Variants in HAPLN1 observed in about 807,000 individuals in gnomAD.
The protein encoded by HAPLN1 is hyaluronan and proteoglycan link protein 1.
HAPLN1 carries 13 observed loss-of-function variants against 36.5 expected under a neutral mutation model. The observed-to-expected ratio is 0.36, with a 90% CI of 0.23 to 0.57. The LOEUF is 0.57. HAPLN1 is among the 20% of genes least tolerant of loss of function. The probability of loss-of-function intolerance (pLI) is 0.83; values close to 1 mark genes in which losing one functional copy is unlikely to be tolerated. For synonymous variants in HAPLN1, 202 were observed against 169.8 expected, an observed-to-expected ratio of 1.19 and a Z score of -1.48; for missense variants, 407 against 439.7, an observed-to-expected ratio of 0.93 and a Z score of 0.66.
rs368560685 is a variant in HAPLN1, at chr5:83,698,112, C to T, written c.-27+22677G>A. Among the ~76,000 whole-genome samples the T allele has an allele frequency of 3.7e-4, 57 of 152,112 alleles. 1 individual carries two copies. The South Asian group carries it at 0.012, about 31-fold the overall frequency. ...TAATCAAAGGTCATTAATATTTACA[C>T]CTATGTTGTCTTCAAAAGTTTTATA... On this transcript the variant is annotated intron_variant, in intron 1 of 4. Coordinates refer to ENST00000274341, the MANE Select transcript of HAPLN1 (RefSeq NM_001884.4).
chr5:83,641,430 TG>T lies in HAPLN1; in HGVS notation c.*65del. 3 of 1,437,134 alleles carry T rather than the reference TG, an allele frequency of 2.1e-6. No individual in the cohort carries two copies. The highest frequency in any genetic ancestry group is 2.8e-6 in the Non-Finnish European group (3 of 1,066,810). 89.0% of individuals were successfully genotyped at this position (1,437,134 alleles called of 1,614,324 possible). ...TTTGGTAACTTGCATGAGTTCATAT[TG>T]GAAAAAAAAAACACCTTTCACATGT... On this transcript the variant is annotated 3_prime_UTR_variant, in exon 5 of 5. Coordinates refer to ENST00000274341, the MANE Select transcript of HAPLN1 (RefSeq NM_001884.4).
At chr5:83,654,414 A>C (rs1002591175) in intron 2 of HAPLN1, among the ~76,000 whole-genome samples, 2 of 152,228 alleles carry the variant, frequency 1.3e-5, no homozygotes, top group Non-Finnish European at 2.9e-5. Flanking sequence ...GATATAAAAC[A>C]TAACTCTATG....
intron 1 of HAPLN1, among the ~76,000 whole-genome samples, chr5:83,679,018 C>T (rs541504967): frequency 5.0e-4 from 76 of 152,254 alleles, no homozygotes; most frequent in African/African-American, 1.8e-3. Context: ...ATGAGCAAGT[C>T]AGCCATAGAC....
intron 1 of HAPLN1, among the ~76,000 whole-genome samples, chr5:83,709,741 A>G (rs1471106): frequency 0.29 from 44,567 of 152,106 alleles, 6,871 homozygotes; most frequent in East Asian, 0.42. Context: ...ACATTGAAGC[A>G]CTTTAAGTGG....
chr5:83,668,028 G>A (rs1750602824), intron 2 of HAPLN1, among the ~76,000 whole-genome samples: 1 of 152,132 alleles, frequency 6.6e-6, no homozygotes, highest in African/African-American at 2.4e-5. Flanking sequence ...CTGGGATTTG[G>A]AAAGGCTGAA....
chr5:83,688,609 T>C (rs920079769), intron 1 of HAPLN1, among the ~76,000 whole-genome samples: 1 of 151,154 alleles, frequency 6.6e-6, no homozygotes, highest in Non-Finnish European at 1.5e-5. Flanking sequence ...GAAAATTTCC[T>C]GTGCTAGTAT....
chr5:83,694,576 T>A lies in HAPLN1; in HGVS notation c.-26-21027A>T, dbSNP rs370094094. 3.7e-4 allele frequency among the ~76,000 whole-genome samples: 57 copies of A among 152,164 alleles called. 1 individual carries two copies. The South Asian group carries it at 0.012, about 31-fold the overall frequency. On this transcript the variant is annotated intron_variant, in intron 1 of 4. Coordinates refer to ENST00000274341, the MANE Select transcript of HAPLN1 (RefSeq NM_001884.4). ...GAATGAAGTAGATAATATCTATCAATTCTATAGAAATAAACAATAAGAAAA... is the reference window on the plus strand; with the variant it reads ...GAATGAAGTAGATAATATCTATCAAATCTATAGAAATAAACAATAAGAAAA...
At chr5:83,649,098 T>C (rs1449476355) in intron 3 of HAPLN1, among the ~76,000 whole-genome samples, 3 of 152,214 alleles carry the variant, frequency 2.0e-5, no homozygotes, top group Non-Finnish European at 4.4e-5. Flanking sequence ...TCTTGAAAAT[T>C]ATTCAGTGGT....
rs56962854 is a variant in HAPLN1, at chr5:83,678,220, GGTGT to G, written c.-26-4675_-26-4672del. Among the ~76,000 whole-genome samples the G allele has an allele frequency of 2.9e-3, 415 of 142,634 alleles. 1 individual carries two copies. Among genetic ancestry groups the G allele is most frequent in the African/African-American group, 6.1e-3 (241 of 39,346 alleles). 93.6% of individuals were successfully genotyped at this position (142,634 alleles called of 152,430 possible). ...CATTTTCCTTTTTATCTATAGTTTG[GGTGT>G]GTGTGTGTGTGTGTGTGTGTGTGTG... On this transcript the variant is annotated intron_variant, in intron 1 of 4. Transcript: ENST00000274341.
chr5:83,684,961 T>C (rs1402220892), intron 1 of HAPLN1, among the ~76,000 whole-genome samples: 1 of 152,188 alleles, frequency 6.6e-6, no homozygotes, highest in Non-Finnish European at 1.5e-5. Flanking sequence ...CAATTTTTTA[T>C]AGAGATAAAA....
intron 2 of HAPLN1, among the ~76,000 whole-genome samples, chr5:83,660,000 A>C (rs928712429): frequency 4.0e-5 from 6 of 151,878 alleles, no homozygotes; most frequent in African/African-American, 1.5e-4. Context: ...CCCACTTCCC[A>C]ACCCTGCCAG....
intron 2 of HAPLN1, among the ~76,000 whole-genome samples, chr5:83,663,282 T>C (rs908003784): frequency 6.6e-6 from 1 of 152,198 alleles, no homozygotes; most frequent in African/African-American, 2.4e-5. Flanking sequence ...ATCTCTTATG[T>C]CCAAATGCTT....
chr5:83,641,535 A>G lies in HAPLN1; in HGVS notation c.1026T>C (p.His342=). Residue 342 remains histidine, a synonymous_variant, in exon 5 of 5, where the codon CAT becomes CAC. Coordinates refer to ENST00000274341, the MANE Select transcript of HAPLN1 (RefSeq NM_001884.4). Reference sequence around the variant, plus strand: ...TGAAGCAGTAGACACCATACAGCTTATGCTTTTTATCTGGGAAACCCACGA... The same window carrying G: ...TGAAGCAGTAGACACCATACAGCTTGTGCTTTTTATCTGGGAAACCCACGA... ...VRFVGFPDKK[H]KLYGVYCFRA... The G allele has an allele frequency of 1.2e-6, 2 of 1,613,920 alleles. No individual in the cohort carries two copies. Among genetic ancestry groups the G allele is most frequent in the Non-Finnish European group, 1.7e-6 (2 of 1,179,830 alleles).
intron 4 of HAPLN1, 21 bp from the exon 5 acceptor site, chr5:83,641,806 A>G (rs1204633472): frequency 6.2e-7 from 1 of 1,607,346 alleles, no homozygotes; most frequent in Non-Finnish European, 8.5e-7. Context: ...AAGGAGACAG[A>G]GTCAATGGGC....
chr5:83,685,142 G>A (rs1259987815), intron 1 of HAPLN1, among the ~76,000 whole-genome samples: 1 of 152,138 alleles, frequency 6.6e-6, no homozygotes, highest in Non-Finnish European at 1.5e-5. Context: ...AGATTGTCAA[G>A]CCACATACTT....
At chr5:83,671,911 A>G (rs939624133) in intron 2 of HAPLN1, among the ~76,000 whole-genome samples, 1 of 152,202 alleles carries the variant, frequency 6.6e-6, no homozygotes, top group Non-Finnish European at 1.5e-5. Context: ...TAATCCTGAT[A>G]CTCTGGGTCA....
At chr5:83,649,615 AT>A (rs1392449782) in intron 3 of HAPLN1, among the ~76,000 whole-genome samples, 7 of 151,832 alleles carry the variant, frequency 4.6e-5, no homozygotes, top group African/African-American at 1.7e-4. Context: ...TGCCAGGCTA[AT>A]TTTTGTATTT....
chr5:83,678,714 A>T (rs2112606248), intron 1 of HAPLN1, among the ~76,000 whole-genome samples: 1 of 152,280 alleles, frequency 6.6e-6, no homozygotes, highest in South Asian at 2.1e-4. Context: ...AGAAGATATG[A>T]GGGGATTGTA....
chr5:83,665,803 G>A (rs1409334582), intron 2 of HAPLN1, among the ~76,000 whole-genome samples: 3 of 152,114 alleles, frequency 2.0e-5, no homozygotes, highest in African/African-American at 4.8e-5. Context: ...CAATCCCTGA[G>A]CATGTAAATA....
Sources: allele counts gnomAD v4.1 joint callset (sites outside exome capture counted in the v4.1 genomes callset), GRCh38; gene constraint gnomAD v4.1.1; transcripts MANE v1.5; gene names NCBI Gene and HGNC (gene_info 2026-07-23, HGNC 2026-07-21).